The following DLG5 variants were observed in gnomAD, a reference collection of about 807,000 sequenced individuals.
DLG5 encodes the protein discs large MAGUK scaffold protein 5.
In DLG5, 48 loss-of-function variants were observed where a neutral mutation model predicts 189.8. The ratio of observed to expected loss-of-function variants is 0.25; its 90% CI spans 0.20 to 0.32. The LOEUF (loss-of-function observed/expected upper bound fraction) is 0.32, where lower values mean the gene tolerates loss of function less well. Among genes scored for constraint, DLG5 ranks in the 10% least tolerant of loss-of-function variants. The pLI, the probability that DLG5 is intolerant of heterozygous loss-of-function variation, is 1.00. For missense variants in DLG5, 2,160 were observed against 2,544.7 expected (o/e 0.85, Z 3.25); for synonymous variants, 1,016 against 1,054.1 (o/e 0.96, Z 0.70).
upstream of DLG5, among the ~76,000 whole-genome samples, chr10:77,930,144 TG>T (rs1846772992): frequency 6.6e-6 from 1 of 152,102 alleles, no homozygotes; most frequent in Admixed American, 6.6e-5. Flanking sequence ...GCTTCTGCTT[TG>T]GTTTGGGCTC....
intron 6 of DLG5, 51 bp from the exon 7 acceptor site, chr10:77,842,244 AG>A: frequency 6.4e-7 from 1 of 1,566,614 alleles, no homozygotes; most frequent in Non-Finnish European, 8.6e-7. Context: ...CTGCCCGGTC[AG>A]TGGCCGGCTG....
In DLG5 at chr10:77,809,633, G is replaced by A; in HGVS notation, c.4561C>T (p.Leu1521=). ...ACCTCGGCCACAAACACCCCATGCA[G>A]GTTCCCACCACACAAGTGCACCCCA... ...ELGVHLCGGN[L]HGVFVAEVED... is the part of the protein sequence containing the mutation. The change falls in exon 24 of 32, where the codon CTG becomes TTG. Residue 1521 remains leucine (L), a synonymous_variant. Coordinates refer to ENST00000372391, the MANE Select transcript of DLG5 (RefSeq NM_004747.4). The A allele has an allele frequency of 1.2e-6, 2 of 1,614,174 alleles. No individual in the cohort carries two copies. Among genetic ancestry groups the A allele is most frequent in the Non-Finnish European group, 8.5e-7 (1 of 1,180,020 alleles).
rs928779385 is a variant in DLG5 at position 77,824,282 on chromosome 10, G to A, written c.2382+102C>T. 56 of 869,148 alleles carry A rather than the reference G, an allele frequency of 6.4e-5. 1 individual carries two copies. The South Asian group carries it at 8.6e-4, about 13-fold the overall frequency. The allele number at this position is 869,148 out of a possible 1,614,324, so 53.8% of individuals were successfully genotyped here. A position where few individuals can be genotyped will look rare whatever the true frequency, so the allele number is the denominator to read the frequency against. The stretch of plus-strand genomic sequence containing the variant: ...TCTGCACTCAGTAAATGCCCACCCT[G>A]TTCTCAAGGATCCTGTGACCCCAAG... On this transcript the variant is annotated intron_variant, in intron 14 of 31. Coordinates refer to ENST00000372391, the MANE Select transcript of DLG5 (RefSeq NM_004747.4).
chr10:77,902,855 A>G (rs1248883), intron 1 of DLG5, among the ~76,000 whole-genome samples: 55,108 of 150,600 alleles, frequency 0.37, 10,575 homozygotes, highest in Admixed American at 0.46. Flanking sequence ...GCGAGACTCC[A>G]TCTCAAAAAA....
chr10:77,816,853 A>AG, intron 19 of DLG5, 152 bp from the exon 20 acceptor site: 1 of 1,354,168 alleles, frequency 7.4e-7, no homozygotes, highest in Non-Finnish European at 1.0e-6. Context: ...ATTGCCCCCT[A>AG]CCCCCCACAC....
intron 20 of DLG5, 150 bp from the exon 21 acceptor site, chr10:77,812,527 G>T: frequency 2.3e-6 from 2 of 872,172 alleles, no homozygotes; most frequent in Non-Finnish European, 3.4e-6. Context: ...TGGGGACATG[G>T]TGGGCCCACC....
intron 2 of DLG5, among the ~76,000 whole-genome samples, chr10:77,865,214 T>C (rs183781578): frequency 9.5e-4 from 144 of 152,304 alleles, no homozygotes; most frequent in Middle Eastern, 3.4e-3. Context: ...CCGTGATCCC[T>C]ATGAGTACCA....
chr10:77,808,122 C>G (rs1333733051), intron 24 of DLG5, 178 bp from the exon 25 acceptor site: 3 of 770,912 alleles, frequency 3.9e-6, no homozygotes, highest in African/African-American at 1.8e-5. Context: ...GTCTCCAGGT[C>G]CTGTGCATGC....
chr10:77,798,846 A>G (rs1247051784), intron 27 of DLG5, among the ~76,000 whole-genome samples: 2 of 152,250 alleles, frequency 1.3e-5, no homozygotes, highest in Non-Finnish European at 2.9e-5. Context: ...AGTGCTTAAA[A>G]GAATGGTTTG....
At chr10:77,883,691 CTTTTTTT>C (rs36028891) in intron 1 of DLG5, among the ~76,000 whole-genome samples, 3 of 96,458 alleles carry the variant, frequency 3.1e-5, no homozygotes, top group South Asian at 7.1e-4. Flanking sequence ...TAACATTGTT[CTTTTTTT>C]TTTTTTTTTT....
chr10:77,824,245 G>A (rs767829502), intron 14 of DLG5, 139 bp downstream of exon 14: 103 of 625,064 alleles, frequency 1.6e-4, no homozygotes, highest in Middle Eastern at 4.3e-4. Context: ...TCCAGTCAGG[G>A]TTCCTGCCCC....
At position 77,827,374 on chromosome 10, in the gene DLG5, C is replaced by T. The variant is rs574963964; in HGVS notation, c.2289+1508G>A. On this transcript the variant is annotated intron_variant, in intron 13 of 31. Transcript: ENST00000372391. ...CCGAGTAGCTGGGATTACAGGCACC[C>T]ACCACCAAGCCCGGCTAATTTTTGT... 5.3e-5 allele frequency among the ~76,000 whole-genome samples: 8 copies of T among 152,160 alleles called. No homozygotes were observed. The East Asian group carries it at 1.4e-3, about 26-fold the overall frequency.
intron 20 of DLG5, chr10:77,816,158 T>C (rs1047517955): frequency 2.0e-5 from 10 of 497,506 alleles, no homozygotes; most frequent in Non-Finnish European, 3.9e-5. Flanking sequence ...CTCCAACGTC[T>C]GGATCCAGTT....
intron 1 of DLG5, among the ~76,000 whole-genome samples, chr10:77,882,153 C>T (rs1056901530): frequency 1.3e-5 from 2 of 152,200 alleles, no homozygotes; most frequent in Non-Finnish European, 2.9e-5. Flanking sequence ...TGAGTTTGAA[C>T]TCGTCAGGAC....
rs541946619 is a variant in DLG5 at position 77,829,024 on chromosome 10, C to T, written c.2186-39G>A. 1.7e-5 allele frequency: 27 copies of T among 1,595,700 alleles called. No individual in the cohort carries two copies. The African/African-American group carries it at 2.8e-4, about 17-fold the overall frequency. On this transcript the variant is annotated intron_variant, in intron 12 of 31. Coordinates refer to ENST00000372391, the MANE Select transcript of DLG5 (RefSeq NM_004747.4). ...GAGGTCACTGGGTAGCCCCTGGCCT[C>T]GCTGCCCAGCCCTGGGTCACCCTAC...
At chr10:77,940,512 G>A in the DLG5 span, among the ~76,000 whole-genome samples, 5 of 152,204 alleles carry the variant, frequency 3.3e-5, no homozygotes, top group Non-Finnish European at 5.9e-5. Flanking sequence ...GGGAGTCCCC[G>A]ATACATCCCC....
intron 1 of DLG5, among the ~76,000 whole-genome samples, chr10:77,914,140 G>C (rs1195749709): frequency 6.6e-6 from 1 of 150,548 alleles, no homozygotes; most frequent in East Asian, 1.9e-4. Flanking sequence ...GAACTCACAG[G>C]TCACAGCAAT....
the DLG5 span, among the ~76,000 whole-genome samples, chr10:77,937,185 C>T: frequency 1.3e-5 from 2 of 152,144 alleles, no homozygotes; most frequent in African/African-American, 4.8e-5. Context: ...TGGCCCAATG[C>T]TCCAGCTACT....
chr10:77,901,872 G>T (rs1239055773), intron 1 of DLG5, among the ~76,000 whole-genome samples: 1 of 152,200 alleles, frequency 6.6e-6, no homozygotes, highest in Non-Finnish European at 1.5e-5. Flanking sequence ...CCCAGATCTG[G>T]CCTGGCCCAG....
Sources: gnomAD v4.1 joint callset for allele counts (sites outside exome capture counted in the v4.1 genomes callset) on GRCh38, gnomAD v4.1.1 for gene constraint, MANE v1.5 for transcripts, NCBI Gene and HGNC (gene_info 2026-07-23, HGNC 2026-07-21) for gene names.